PACSIN1: variants seen among roughly 807,000 people sequenced by gnomAD.
PACSIN1 encodes the protein protein kinase C and casein kinase substrate in neurons 1.
A neutral mutation model predicts 59.5 loss-of-function variants in PACSIN1; 15 were observed. The ratio of observed to expected loss-of-function variants is 0.25; its 90% CI spans 0.17 to 0.39. The LOEUF is 0.39. Ranked by LOEUF, PACSIN1 falls within the 10% of genes least tolerant of loss-of-function variation. The pLI is 1.00. For missense variants in PACSIN1, 420 were observed against 580.2 expected (o/e 0.72, Z 2.84); for synonymous variants, 210 against 220.6 (o/e 0.95, Z 0.42).
chr6:34,519,601 T>G (rs1429907804), intron 1 of PACSIN1, among the ~76,000 whole-genome samples: 9 of 152,064 alleles, frequency 5.9e-5, no homozygotes, highest in African/African-American at 2.2e-4. Context: ...GAGGCTCCTG[T>G]CATGAAGGCT....
chr6:34,510,182 C>T (rs759341192), intron 1 of PACSIN1, among the ~76,000 whole-genome samples: 1 of 152,242 alleles, frequency 6.6e-6, no homozygotes, highest in Non-Finnish European at 1.5e-5. Context: ...TGCGTTTTCA[C>T]GGCTGTTAGC....
intron 1 of PACSIN1, among the ~76,000 whole-genome samples, chr6:34,522,210 C>T (rs936382365): frequency 4.6e-5 from 7 of 152,218 alleles, no homozygotes; most frequent in Non-Finnish European, 8.8e-5. Context: ...GCAGTGGCTT[C>T]GGCTGGAGCG....
At chr6:34,510,612 CCTCCCTTT>C (rs1767186700) in intron 1 of PACSIN1, among the ~76,000 whole-genome samples, 1 of 152,208 alleles carries the variant, frequency 6.6e-6, no homozygotes, top group South Asian at 2.1e-4. Context: ...TCATCACATA[CCTCCCTTT>C]CTCCCTCTTT....
At chr6:34,526,833 C>A (rs1185312228) in intron 2 of PACSIN1, among the ~76,000 whole-genome samples, 2 of 152,074 alleles carry the variant, frequency 1.3e-5, no homozygotes, top group Non-Finnish European at 2.9e-5. Flanking sequence ...ATATTTGAGA[C>A]CTGGAGAAAA....
In PACSIN1 at chr6:34,530,556, G is replaced by A; in HGVS notation, c.1006G>A (p.Glu336Lys). The change falls in exon 8 of 10, where the codon GAG becomes AAG. Residue 336 changes from glutamate to lysine, a missense_variant. Transcript: ENST00000244458. This position sits in a 1 kb window ranked among gnomAD's most constrained non-coding sequence, Gnocchi z 4.4. ...GCTGACCAATGCCACTGGGGCGGTA[G>A]AGTCCACATCCCAGGCTGGGGACCG... ...VALTNATGAV[E>K]STSQAGDRGS... The A allele has an allele frequency of 6.2e-7, 1 of 1,602,610 alleles. No individual in the cohort carries two copies. Among genetic ancestry groups the A allele is most frequent in the Middle Eastern group, 1.7e-4 (1 of 5,994 alleles).
chr6:34,502,123 T>G (rs1192570744), intron 1 of PACSIN1, among the ~76,000 whole-genome samples: 1 of 151,876 alleles, frequency 6.6e-6, no homozygotes, highest in Non-Finnish European at 1.5e-5. Context: ...CACCCACCTG[T>G]GAACACTATC....
intron 1 of PACSIN1, among the ~76,000 whole-genome samples, chr6:34,490,302 A>C (rs1174151976): frequency 6.7e-6 from 1 of 148,438 alleles, no homozygotes; most frequent in African/African-American, 2.5e-5. Context: ...CCTAGGCCCA[A>C]GGGATCCTCC....
At position 34,527,324 on chromosome 6, in the gene PACSIN1, G is replaced by C. The variant is rs767984745; in HGVS notation, c.64-8G>C. 3.8e-6 allele frequency: 6 copies of C among 1,558,638 alleles called. No homozygotes were observed. The highest frequency in any genetic ancestry group is 8.7e-7 in the Non-Finnish European group (1 of 1,152,440). On this transcript the variant is annotated splice_polypyrimidine_tract_variant and splice_region_variant and intron_variant, in intron 2 of 9. Transcript: ENST00000244458. ...CCGCGGGAGTGGTGCTCGCTGCTTGGCCGCCAGGTGGGGAACTACAAGCGG... is the reference window on the plus strand; with the variant it reads ...CCGCGGGAGTGGTGCTCGCTGCTTGCCCGCCAGGTGGGGAACTACAAGCGG...
intron 1 of PACSIN1, among the ~76,000 whole-genome samples, chr6:34,470,334 C>A (rs1295937010): frequency 1.3e-5 from 2 of 151,822 alleles, no homozygotes; most frequent in Non-Finnish European, 2.9e-5. Flanking sequence ...GCGCCCACCA[C>A]CACGCCCGGC....
At position 34,532,664 on chromosome 6, in the gene PACSIN1, C is replaced by T; in HGVS notation, c.*134C>T. The T allele has an allele frequency of 1.6e-6, 1 of 632,028 alleles. No homozygotes were observed. Among genetic ancestry groups the T allele is most frequent in the South Asian group, 2.0e-5 (1 of 50,578 alleles). The allele number at this position is 632,028 out of a possible 1,614,324, so 39.2% of individuals were successfully genotyped here. On this transcript the variant is annotated 3_prime_UTR_variant, in exon 10 of 10. Coordinates refer to ENST00000244458, the MANE Select transcript of PACSIN1 (RefSeq NM_020804.5). The surrounding 1 kb of genome is among the most constrained non-coding windows in gnomAD (Gnocchi z 5.2). ...GCTTTTATTTTTTTAAAAGTCAAAA[C>T]AGAACAAAACAAAGTATGCAGAGAC...
chr6:34,520,912 C>T (rs1204674237), intron 1 of PACSIN1, among the ~76,000 whole-genome samples: 2 of 152,156 alleles, frequency 1.3e-5, no homozygotes, highest in Non-Finnish European at 2.9e-5. Context: ...TCATCATCGT[C>T]AACATTGGCT....
chr6:34,527,256 G>A, intron 2 of PACSIN1, 76 bp from the exon 3 acceptor site: 1 of 1,373,238 alleles, frequency 7.3e-7, no homozygotes, highest in Non-Finnish European at 9.6e-7. Flanking sequence ...CAGTGGGCGT[G>A]GCCGTGCTGG....
chr6:34,528,944 G>C (rs1479395002), intron 4 of PACSIN1, 67 bp downstream of exon 4: 14 of 1,293,868 alleles, frequency 1.1e-5, no homozygotes, highest in Non-Finnish European at 1.5e-5. Flanking sequence ...GCTGATCCCA[G>C]GGAGGGCATC....
intron 1 of PACSIN1, among the ~76,000 whole-genome samples, chr6:34,506,870 C>G (rs1353575129): frequency 6.6e-6 from 1 of 152,144 alleles, no homozygotes; most frequent in African/African-American, 2.4e-5. Context: ...TTGCTGGGTG[C>G]AGTGGAAGTC....
chr6:34,504,634 A>C (rs1263858683), intron 1 of PACSIN1, among the ~76,000 whole-genome samples: 1 of 152,166 alleles, frequency 6.6e-6, no homozygotes, highest in Non-Finnish European at 1.5e-5. Context: ...TAATTTGGAA[A>C]GCTCAAGAGA....
intron 1 of PACSIN1, among the ~76,000 whole-genome samples, chr6:34,469,594 A>G (rs1766543908): frequency 3.3e-5 from 5 of 152,210 alleles, no homozygotes; most frequent in Admixed American, 3.3e-4. Context: ...GTGGCCTTTC[A>G]GGTCATGTCC....
chr6:34,476,326 T>C (rs1328515643), intron 1 of PACSIN1, among the ~76,000 whole-genome samples: 1 of 152,222 alleles, frequency 6.6e-6, no homozygotes, highest in Non-Finnish European at 1.5e-5. Context: ...TCCCAGCCGA[T>C]GTCTCTCGCC....
chr6:34,531,720 G>C lies in PACSIN1; in HGVS notation c.1158G>C (p.Lys386Asn). The C allele has an allele frequency of 6.2e-7, 1 of 1,610,022 alleles. No homozygotes were observed. Among genetic ancestry groups the C allele is most frequent in the Non-Finnish European group, 8.5e-7 (1 of 1,177,854 alleles). ...GGANPFEDDS[K>N]GVRVRALYDY... is the part of the protein sequence containing the mutation. ...CCAACCCCTTTGAGGACGACTCCAA[G>C]GGAGTGCGCGTGCGGGCACTCTACG... Residue 386 changes from lysine to asparagine, a missense_variant, in exon 9 of 10, where the codon AAG (lysine) becomes AAC (asparagine). Lys to Asn is a moderately conservative substitution (Grantham distance 94). Transcript: ENST00000244458. This position sits in a 1 kb window ranked among gnomAD's most constrained non-coding sequence, Gnocchi z 4.4.
intron 1 of PACSIN1, among the ~76,000 whole-genome samples, chr6:34,467,589 G>C (rs1261551194): frequency 9.3e-6 from 1 of 107,762 alleles, no homozygotes; most frequent in African/African-American, 3.5e-5. Flanking sequence ...AGAGAGTTTC[G>C]CTCTTGTTGC....
Sources: allele counts gnomAD v4.1 joint callset (sites outside exome capture counted in the v4.1 genomes callset), GRCh38; gene constraint gnomAD v4.1.1; non-coding constraint Gnocchi (gnomAD v3.1); transcripts MANE v1.5; gene names NCBI Gene and HGNC (gene_info 2026-07-23, HGNC 2026-07-21).